The following GUCY2F variants were observed in gnomAD, a reference collection of about 807,000 sequenced individuals.
GUCY2F encodes the protein retinal guanylyl cyclase 2.
A neutral mutation model predicts 73.1 loss-of-function variants in GUCY2F; 61 were observed. The observed-to-expected ratio is 0.83, with a 90% confidence interval of 0.68 to 1.03. GUCY2F has a LOEUF of 1.03. Ranked by LOEUF, GUCY2F falls within the 50% of genes least tolerant of loss-of-function variation. The pLI is 0.00. For missense variants in GUCY2F, 912 were observed against 854.3 expected, an observed-to-expected ratio of 1.07 and a Z score of -0.84; for synonymous variants, 331 against 307.8, an observed-to-expected ratio of 1.08 and a Z score of -0.79.
rs182794578 is a variant in GUCY2F, at chrX:109,447,830, C to T, written c.1569+239G>A. The stretch of plus-strand genomic sequence containing the variant: ...ATTAACTTTAATAATATACTTTAAC[C>T]CAATATATCTAAAATATTTAATTTT... On this transcript the variant is annotated intron_variant, in intron 6 of 19. Transcript: ENST00000218006. Among the ~76,000 whole-genome samples, 78 of 109,295 alleles carry T rather than the reference C, an allele frequency of 7.1e-4. 2 individuals carry two copies. In the East Asian group the frequency reaches 0.022, roughly 31 times the overall value. 94.9% of individuals were successfully genotyped at this position (109,295 alleles called of 115,157 possible).
intron 2 of GUCY2F, among the ~76,000 whole-genome samples, chrX:109,471,896 G>A (rs1017178775): frequency 1.8e-5 from 2 of 112,038 alleles, no homozygotes; most frequent in African/African-American, 6.5e-5. Flanking sequence ...GTAAAATGTA[G>A]AGAGCTGTTT....
chrX:109,414,805 G>A (rs1035576062), intron 8 of GUCY2F, among the ~76,000 whole-genome samples: 4 of 111,802 alleles, frequency 3.6e-5, no homozygotes, highest in Non-Finnish European at 7.5e-5. Context: ...TATTTTAGGG[G>A]TTGTAATAGA....
At chrX:109,408,042 G>A (rs1043660672) in intron 9 of GUCY2F, among the ~76,000 whole-genome samples, 11 of 111,854 alleles carry the variant, frequency 9.8e-5, no homozygotes, top group African/African-American at 3.6e-4. Flanking sequence ...AGCTTGCACT[G>A]TGCACCTGGA....
intron 6 of GUCY2F, among the ~76,000 whole-genome samples, chrX:109,443,733 A>T (rs968287421): frequency 6.2e-5 from 7 of 112,275 alleles, no homozygotes; most frequent in African/African-American, 1.9e-4. Context: ...TTGATATGTT[A>T]GAGCTAAAAC....
intron 12 of GUCY2F, among the ~76,000 whole-genome samples, chrX:109,394,363 C>T (rs1035448766): frequency 1.8e-5 from 2 of 112,335 alleles, no homozygotes; most frequent in African/African-American, 6.5e-5. Context: ...TTCGCCTCTT[C>T]CATACTATTG....
chrX:109,438,384 T>A (rs912869960), intron 7 of GUCY2F, among the ~76,000 whole-genome samples: 47 of 112,653 alleles, frequency 4.2e-4, no homozygotes, highest in African/African-American at 1.4e-3. Flanking sequence ...TAATTACCTC[T>A]TAATGTCCTC....
intron 14 of GUCY2F, 132 bp downstream of exon 14, chrX:109,391,779 G>A (rs1354349211): frequency 8.0e-6 from 3 of 373,355 alleles, no homozygotes; most frequent in Non-Finnish European, 1.4e-5. Flanking sequence ...CAATGGAAGG[G>A]GTGTACTATT....
rs1234773847 is a variant in GUCY2F at position 109,475,881 on chromosome X, C to G, written c.56G>C (p.Arg19Thr). ...SRLVLWFAAF[R>T]KLLGHHGLAS... ...AAGGCCATGGTGTCCCAGCAGTTTC[C>G]TGAAAGCCGCAAACCAGAGAACAAG... The change falls in exon 2 of 20, where the codon AGG becomes ACG. Residue 19 changes from arginine (R) to threonine (T), a missense_variant. Physicochemically the swap from Arg to Thr is moderately conservative, Grantham distance 71. Transcript: ENST00000218006. 1 of 1,207,770 alleles carries G rather than the reference C, an allele frequency of 8.3e-7. No homozygotes were observed. The highest frequency in any genetic ancestry group is 1.8e-5 in the African/African-American group (1 of 56,758).
intron 8 of GUCY2F, among the ~76,000 whole-genome samples, chrX:109,427,688 C>A (rs1931519851): frequency 8.9e-6 from 1 of 112,134 alleles, no homozygotes; most frequent in African/African-American, 3.2e-5. Flanking sequence ...AAGCATTCAA[C>A]TAAAAAGCAT....
chrX:109,422,498 A>G (rs1171613168), intron 8 of GUCY2F, among the ~76,000 whole-genome samples: 1 of 111,880 alleles, frequency 8.9e-6, no homozygotes, highest in Non-Finnish European at 1.9e-5. Flanking sequence ...ACTTAACACT[A>G]CTTAACTGTA....
intron 6 of GUCY2F, among the ~76,000 whole-genome samples, chrX:109,445,393 A>G (rs111260641): frequency 0.014 from 1,518 of 112,420 alleles, 34 homozygotes; most frequent in African/African-American, 0.047. Flanking sequence ...AAAGAACTAC[A>G]TAAAGTCAAA....
At chrX:109,397,238 G>A (rs1257809681) in intron 11 of GUCY2F, among the ~76,000 whole-genome samples, 1 of 110,825 alleles carries the variant, frequency 9.0e-6, no homozygotes, top group Non-Finnish European at 1.9e-5. Context: ...TGGTTTAGCT[G>A]GGATATAGAG....
At chrX:109,419,317 C>T (rs1931311553) in intron 8 of GUCY2F, among the ~76,000 whole-genome samples, 2 of 110,528 alleles carry the variant, frequency 1.8e-5, no homozygotes, top group African/African-American at 3.3e-5. Flanking sequence ...TAGCAAATAT[C>T]GTCTAGCAAT....
chrX:109,393,168 G>A (rs1444554949), intron 12 of GUCY2F, 113 bp from the exon 13 acceptor site: 3 of 478,563 alleles, frequency 6.3e-6, no homozygotes, highest in Non-Finnish European at 1.1e-5. Flanking sequence ...GGGCAGGAAA[G>A]GTGAACCCAG....
Position 109,395,487 on chromosome X carries a change from T to C in GUCY2F, c.2278A>G (p.Ile760Val). 1 of 1,197,490 alleles carries C rather than the reference T, an allele frequency of 8.4e-7. No homozygotes were observed. The highest frequency in any genetic ancestry group is 1.1e-6 in the Non-Finnish European group (1 of 885,706). Residue 760 changes from isoleucine (I) to valine (V), a missense_variant and splice_region_variant, in exon 12 of 20, where the codon ATC (isoleucine) becomes GTC (valine). By Grantham distance (29) the Ile-to-Val change is conservative. Transcript: ENST00000218006. ...GGAGGCTTCTTAAGTCTGTTTATGA[T>C]TTCTGTCCAGATGCGAGAAGAGAAC... ...FCMMDLPAQE[I>V]INRLKKPPPV...
chrX:109,399,716 C>A (rs1453220960), intron 10 of GUCY2F, among the ~76,000 whole-genome samples: 1 of 110,701 alleles, frequency 9.0e-6, no homozygotes. Flanking sequence ...CAAATTAATC[C>A]AGGAAGACTT....
intron 17 of GUCY2F, among the ~76,000 whole-genome samples, chrX:109,377,626 T>C (rs1306295168): frequency 4.5e-5 from 5 of 111,899 alleles, no homozygotes; most frequent in Admixed American, 3.8e-4. Flanking sequence ...TCAGCCCTTG[T>C]GCACTTGGAA....
chrX:109,453,549 G>T lies in GUCY2F; in HGVS notation c.1343C>A (p.Ala448Glu), dbSNP rs1932184101. The change falls in exon 4 of 20, where the codon GCA becomes GAA. Residue 448 changes from alanine to glutamate, a missense_variant. By Grantham distance (107) the Ala-to-Glu change is moderately radical. Coordinates refer to ENST00000218006, the MANE Select transcript of GUCY2F (RefSeq NM_001522.3). The stretch of plus-strand genomic sequence containing the variant: ...TTCTGCAAACCAGCATTTTGCATCT[G>T]CTCTAGGGGGCCTGCCACCAGGGAA... ...IHFPGGRPPRADAKCWFAEGK... is the reference protein window; with the variant it reads ...IHFPGGRPPREDAKCWFAEGK... The T allele has an allele frequency of 8.3e-7, 1 of 1,208,724 alleles. No individual in the cohort carries two copies. The highest frequency in any genetic ancestry group is 1.1e-6 in the Non-Finnish European group (1 of 893,255).
At chrX:109,438,150 C>T (rs1164121889) in intron 7 of GUCY2F, among the ~76,000 whole-genome samples, 1 of 112,224 alleles carries the variant, frequency 8.9e-6, no homozygotes, top group East Asian at 2.8e-4. Flanking sequence ...TCTCACAGTT[C>T]TGGAGGCTGG....
Sources: gnomAD v4.1 joint callset for allele counts (sites outside exome capture counted in the v4.1 genomes callset) on GRCh38, gnomAD v4.1.1 for gene constraint, MANE v1.5 for transcripts, NCBI Gene and HGNC (gene_info 2026-07-23, HGNC 2026-07-21) for gene names.